The following RERE variants were observed in gnomAD, a reference collection of about 807,000 sequenced individuals.
RERE encodes the protein arginine-glutamic acid dipeptide repeats.
In RERE, 40 loss-of-function variants were observed where a neutral mutation model predicts 146.1. That is an observed-to-expected ratio of 0.27 (90% CI 0.21 to 0.36). The LOEUF (loss-of-function observed/expected upper bound fraction) is 0.36, where lower values mean the gene tolerates loss of function less well. RERE is among the 10% of genes least tolerant of loss of function. The pLI, the probability that RERE is intolerant of heterozygous loss-of-function variation, is 1.00. For synonymous variants in RERE, 1,003 were observed against 866.0 expected (o/e 1.16, Z -2.78); for missense variants, 1,933 against 2,138.7 (o/e 0.90, Z 1.90).
At chr1:8,561,007 A>G (rs1284893192) in intron 4 of RERE, among the ~76,000 whole-genome samples, 2 of 152,208 alleles carry the variant, frequency 1.3e-5, no homozygotes, top group South Asian at 2.1e-4. Flanking sequence ...AGATACAGTA[A>G]CTCAAATTTG....
intron 16 of RERE, 31 bp from the exon 17 acceptor site, chr1:8,361,907 A>T: frequency 6.8e-7 from 1 of 1,470,780 alleles, no homozygotes; most frequent in Non-Finnish European, 9.5e-7. Flanking sequence ...AGGAGCAATC[A>T]GGCCAAGGGA....
chr1:8,612,339 T>G (rs1165865585), intron 4 of RERE, among the ~76,000 whole-genome samples: 1 of 152,194 alleles, frequency 6.6e-6, no homozygotes, highest in Non-Finnish European at 1.5e-5. Context: ...CTTTGCCAAC[T>G]GGATCTGATT....
intron 1 of RERE, among the ~76,000 whole-genome samples, chr1:8,720,885 G>A (rs1343398290): frequency 4.6e-5 from 7 of 152,048 alleles, no homozygotes; most frequent in African/African-American, 7.2e-5. Context: ...GTGCAACCCC[G>A]TCTCTACTAA....
In RERE at chr1:8,750,617, A is replaced by C. The variant is rs1159661399; in HGVS notation, c.-145+66543T>G. 3.7e-5 allele frequency: 36 copies of C among 979,892 alleles called. No individual in the cohort carries two copies. The Admixed American group carries it at 6.1e-4, about 17-fold the overall frequency. 60.7% of individuals were successfully genotyped at this position (979,892 alleles called of 1,614,324 possible). A position where few individuals can be genotyped will look rare whatever the true frequency, so the allele number is the denominator to read the frequency against. ...GCACTATCACAAGGAATATAGGCAG[A>C]TGTACAGAACTGAAATTCGAATGGC... is the stretch of plus-strand genomic sequence containing the variant. On this transcript the variant is annotated intron_variant, in intron 1 of 22. Coordinates refer to ENST00000400908, the MANE Select transcript of RERE (RefSeq NM_001042681.2).
At chr1:8,446,776 C>T (rs1374802436) in intron 11 of RERE, among the ~76,000 whole-genome samples, 1 of 152,068 alleles carries the variant, frequency 6.6e-6, no homozygotes, top group Non-Finnish European at 1.5e-5. Context: ...CGGGTTCACG[C>T]CATTCTCCTG....
At chr1:8,387,801 G>C (rs1398316917) in intron 12 of RERE, among the ~76,000 whole-genome samples, 1 of 152,218 alleles carries the variant, frequency 6.6e-6, no homozygotes, top group African/African-American at 2.4e-5. Flanking sequence ...TGTTGGCTAG[G>C]ATGTGAAGTT....
intron 1 of RERE, among the ~76,000 whole-genome samples, chr1:8,790,371 T>C (rs1489898495): frequency 6.6e-6 from 1 of 152,214 alleles, no homozygotes; most frequent in Non-Finnish European, 1.5e-5. Flanking sequence ...ATGTAGCTAA[T>C]AATACAAATA....
chr1:8,731,780 TTTTGTTTGTTTGTTTG>T (rs751384177), intron 1 of RERE, among the ~76,000 whole-genome samples: 1 of 142,734 alleles, frequency 7.0e-6, no homozygotes, highest in South Asian at 2.1e-4. Context: ...CATAATGTTT[TTTTGTTTGTTTGTTTG>T]TTTGTTTGTT....
chr1:8,601,759 AC>A (rs1646632871), intron 4 of RERE, among the ~76,000 whole-genome samples: 1 of 151,030 alleles, frequency 6.6e-6, no homozygotes, highest in African/African-American at 2.5e-5. Context: ...ACACACACAC[AC>A]ACACACACAC....
intron 8 of RERE, among the ~76,000 whole-genome samples, chr1:8,501,528 G>C (rs573839387): frequency 4.3e-5 from 5 of 116,480 alleles, no homozygotes; most frequent in Admixed American, 4.1e-4. Flanking sequence ...CCCCCCGTCC[G>C]GGAGGTGAGG....
In RERE at chr1:8,358,509, G is replaced by T; in HGVS notation, c.4026C>A (p.Asn1342Lys). ...PELDPLHPAA[N>K]PMEHFARHSA... Reference sequence around the variant, plus strand: ...TGTGCCGGGCAAAGTGCTCCATGGGGTTGGCGGCTGGGTGCAGGGGGTCCA... The same window carrying T: ...TGTGCCGGGCAAAGTGCTCCATGGGTTTGGCGGCTGGGTGCAGGGGGTCCA... The change falls in exon 20 of 23, where the codon AAC (asparagine) becomes AAA (lysine). Residue 1342 changes from asparagine to lysine, a missense_variant. Around this residue, in one of 11 missense-constraint regions of RERE, gnomAD observed 1,255 missense variants for 1,153.8 expected, o/e 1.09. Coordinates refer to ENST00000400908, the MANE Select transcript of RERE (RefSeq NM_001042681.2). The T allele has an allele frequency of 6.3e-7, 1 of 1,592,442 alleles. No individual in the cohort carries two copies. Among genetic ancestry groups the T allele is most frequent in the Non-Finnish European group, 8.5e-7 (1 of 1,170,144 alleles).
chr1:8,425,348 A>C (rs550723285), intron 11 of RERE: 2 of 152,424 alleles, frequency 1.3e-5, no homozygotes, highest in Admixed American at 1.3e-4. Flanking sequence ...TCATTACAGA[A>C]CATTCTGAGA....
In RERE at chr1:8,788,670, T is replaced by TG. The variant is rs919710362; in HGVS notation, c.-145+28489_-145+28490insC. ...GAGCCACTGCGCCCAGCCAGTGTTTTTTTTTTTTTTTAAGAAGCTGTAATG... is the reference window on the plus strand; with the variant it reads ...GAGCCACTGCGCCCAGCCAGTGTTTTGTTTTTTTTTTTAAGAAGCTGTAATG... On this transcript the variant is annotated intron_variant, in intron 1 of 22. Coordinates refer to ENST00000400908, the MANE Select transcript of RERE (RefSeq NM_001042681.2). Among the ~76,000 whole-genome samples the TG allele has an allele frequency of 1.6e-3, 241 of 151,426 alleles. 1 individual carries two copies. Among genetic ancestry groups the TG allele is most frequent in the South Asian group, 3.3e-3 (16 of 4,780 alleles).
intron 1 of RERE, among the ~76,000 whole-genome samples, chr1:8,801,319 G>C (rs1641588317): frequency 6.6e-6 from 1 of 151,716 alleles, no homozygotes. Flanking sequence ...GCCCAGGCTG[G>C]AATGCAATGG....
chr1:8,542,719 T>C (rs1645813934), intron 6 of RERE, among the ~76,000 whole-genome samples: 1 of 152,172 alleles, frequency 6.6e-6, no homozygotes, highest in African/African-American at 2.4e-5. Flanking sequence ...TTGCCCAGGC[T>C]GGTCTCAAAC....
At chr1:8,471,561 G>C (rs1202461726) in intron 10 of RERE, among the ~76,000 whole-genome samples, 1 of 148,908 alleles carries the variant, frequency 6.7e-6, no homozygotes, top group Admixed American at 6.7e-5. Context: ...TGTTGCCTGA[G>C]CTAGAGTGCA....
At chr1:8,365,654 C>T (rs1347756820) in intron 13 of RERE, among the ~76,000 whole-genome samples, 158 bp downstream of exon 13, 5 of 152,226 alleles carry the variant, frequency 3.3e-5, no homozygotes, top group African/African-American at 9.6e-5. Flanking sequence ...CCCCCACCAT[C>T]GGTCTATGTT....
intron 8 of RERE, among the ~76,000 whole-genome samples, chr1:8,500,622 C>T (rs1269149492): frequency 6.6e-6 from 1 of 151,940 alleles, no homozygotes; most frequent in Non-Finnish European, 1.5e-5. Flanking sequence ...AGCCTCTGCC[C>T]GGCCGCCACC....
At chr1:8,374,013 A>G (rs1316585373) in intron 12 of RERE, among the ~76,000 whole-genome samples, 2 of 152,256 alleles carry the variant, frequency 1.3e-5, no homozygotes, top group Non-Finnish European at 2.9e-5. Context: ...TAATCGTTAA[A>G]TATCACCTCT....
Sources: gnomAD v4.1 joint callset for allele counts (sites outside exome capture counted in the v4.1 genomes callset) on GRCh38, gnomAD v4.1.1 for gene constraint, gnomAD v4.1.1 regional missense constraint, MANE v1.5 for transcripts, NCBI Gene and HGNC (gene_info 2026-07-23, HGNC 2026-07-21) for gene names.